The following PLAAT3 variants were observed in gnomAD, a reference collection of about 807,000 sequenced individuals.
The protein encoded by PLAAT3 is phospholipase A and acyltransferase 3.
In PLAAT3, 21 loss-of-function variants were observed where a neutral mutation model predicts 16.7. The ratio of observed to expected loss-of-function variants is 1.26; its 90% confidence interval spans 0.89 to 1.81. The LOEUF (loss-of-function observed/expected upper bound fraction) is 1.81, where lower values mean the gene tolerates loss of function less well. PLAAT3 is among the 40% of genes most tolerant of loss of function. The pLI is 0.00. For missense variants in PLAAT3, 219 were observed against 213.7 expected, an observed-to-expected ratio of 1.02 and a Z score of -0.16; for synonymous variants, 76 against 81.7, an observed-to-expected ratio of 0.93 and a Z score of 0.38.
At chr11:63,603,341 A>C (rs1938475674) in intron 2 of PLAAT3, among the ~76,000 whole-genome samples, 1 of 152,136 alleles carries the variant, frequency 6.6e-6, no homozygotes, top group African/African-American at 2.4e-5. Flanking sequence ...CAGCTCACGC[A>C]ACAACAATGG....
At chr11:63,576,739 A>G (rs2017666972) in intron 4 of PLAAT3, among the ~76,000 whole-genome samples, 1 of 152,282 alleles carries the variant, frequency 6.6e-6, no homozygotes, top group African/African-American at 2.4e-5. Context: ...AAACATAGGT[A>G]GAAAGAATTA....
intron 2 of PLAAT3, among the ~76,000 whole-genome samples, chr11:63,613,500 A>G (rs615155): frequency 0.96 from 146,535 of 152,356 alleles, 70,744 homozygotes; most frequent in East Asian, 1. Context: ...GAGTCTCACA[A>G]CCAGATGCTC....
At chr11:63,615,236 A>ATGTGTATATG (rs1202552447), upstream of PLAAT3, among the ~76,000 whole-genome samples, 237 of 7,356 alleles carry the variant, frequency 0.032, 30 homozygotes, top group Non-Finnish European at 0.051. Flanking sequence ...ATGTGTATAT[A>ATGTGTATATG]TGTGTATATA....
chr11:63,610,130 T>C (rs1938657868), intron 2 of PLAAT3, among the ~76,000 whole-genome samples: 1 of 152,162 alleles, frequency 6.6e-6, no homozygotes, highest in Admixed American at 6.5e-5. Context: ...CACCAAGTAA[T>C]TCACTCCAAG....
chr11:63,599,581 CA>C (rs1435464048), intron 2 of PLAAT3, among the ~76,000 whole-genome samples: 1 of 152,154 alleles, frequency 6.6e-6, no homozygotes, highest in East Asian at 1.9e-4. Flanking sequence ...GGGAATTTTA[CA>C]GATAAATCAT....
At chr11:63,588,416 T>G (rs1208204837) in intron 4 of PLAAT3, among the ~76,000 whole-genome samples, 2 of 152,222 alleles carry the variant, frequency 1.3e-5, no homozygotes, top group Admixed American at 6.5e-5. Flanking sequence ...ACAAATGTTT[T>G]GAAGGCTGTT....
intron 2 of PLAAT3, among the ~76,000 whole-genome samples, chr11:63,612,082 G>A (rs1295350556): frequency 3.3e-5 from 5 of 152,160 alleles, no homozygotes; most frequent in Admixed American, 6.5e-5. Flanking sequence ...AGGTTGCAGC[G>A]AGCCGAGATC....
chr11:63,616,579 CAACT>C (rs1166695160), upstream of PLAAT3: 4 of 152,072 alleles, frequency 2.6e-5, no homozygotes, highest in Non-Finnish European at 5.9e-5. Flanking sequence ...TGCTTCATTA[CAACT>C]TACTATTCTT....
intron 2 of PLAAT3, among the ~76,000 whole-genome samples, chr11:63,604,878 C>T (rs753193258): frequency 6.6e-6 from 1 of 152,166 alleles, no homozygotes; most frequent in Admixed American, 6.6e-5. Context: ...CAATCACTAT[C>T]ATGTAAAAAT....
chr11:63,602,499 T>C (rs1468613725), intron 2 of PLAAT3, among the ~76,000 whole-genome samples: 1 of 151,124 alleles, frequency 6.6e-6, no homozygotes, highest in African/African-American at 2.4e-5. Flanking sequence ...ATGTTCTAAA[T>C]TTAGAAGTAT....
intron 4 of PLAAT3, among the ~76,000 whole-genome samples, chr11:63,577,962 A>C (rs1218794311): frequency 6.6e-6 from 1 of 152,070 alleles, no homozygotes; most frequent in Non-Finnish European, 1.5e-5. Flanking sequence ...AGAAATAGAA[A>C]CCAAAGGGAA....
intron 4 of PLAAT3, among the ~76,000 whole-genome samples, chr11:63,582,537 A>G (rs1937848342): frequency 6.6e-6 from 1 of 152,242 alleles, no homozygotes; most frequent in Non-Finnish European, 1.5e-5. Flanking sequence ...GAAAGGAAGT[A>G]ATAATTATCA....
chr11:63,615,943 C>T (rs1227147642), upstream of PLAAT3, among the ~76,000 whole-genome samples: 1 of 152,208 alleles, frequency 6.6e-6, no homozygotes, highest in Non-Finnish European at 1.5e-5. Context: ...GCTGGGATTA[C>T]AGGCGTGAGC....
intron 2 of PLAAT3, among the ~76,000 whole-genome samples, chr11:63,609,768 A>ACCAGGC (rs1938649636): frequency 6.6e-6 from 1 of 152,172 alleles, no homozygotes; most frequent in Non-Finnish European, 1.5e-5. Context: ...TCTGGCAGGC[A>ACCAGGC]CCAGGCCCAG....
At chr11:63,594,648 A>G (rs1438341781) in intron 3 of PLAAT3, among the ~76,000 whole-genome samples, 1 of 152,186 alleles carries the variant, frequency 6.6e-6, no homozygotes, top group African/African-American at 2.4e-5. Flanking sequence ...AAGTGTGGGT[A>G]TAGGGGATGG....
At chr11:63,611,023 T>A (rs749464858) in intron 2 of PLAAT3, among the ~76,000 whole-genome samples, 12 of 151,976 alleles carry the variant, frequency 7.9e-5, no homozygotes, top group Non-Finnish European at 1.3e-4. Flanking sequence ...AAGCCCACAG[T>A]GGGGAGGCAG....
At chr11:63,600,196 T>A (rs1240828716) in intron 2 of PLAAT3, among the ~76,000 whole-genome samples, 1 of 152,176 alleles carries the variant, frequency 6.6e-6, no homozygotes, top group African/African-American at 2.4e-5. Context: ...GTTGCCCAGC[T>A]GGTGTCAAAC....
upstream of PLAAT3, among the ~76,000 whole-genome samples, chr11:63,615,034 A>ATATGTGTATATATATGTGTATATATGTG (rs1555047763): frequency 3.6e-5 from 1 of 28,044 alleles, no homozygotes; most frequent in Non-Finnish European, 9.8e-5. Flanking sequence ...ATATGTGTGT[A>ATATGTGTATATATATGTGTATATATGTG]TATATATGTA....
intron 2 of PLAAT3, among the ~76,000 whole-genome samples, chr11:63,608,013 C>T (rs990652926): frequency 1.3e-5 from 2 of 151,862 alleles, no homozygotes; most frequent in South Asian, 2.1e-4. Flanking sequence ...AGTGAAACCC[C>T]GTCTCTACTA....
Sources: allele counts gnomAD v4.1 joint callset (sites outside exome capture counted in the v4.1 genomes callset), GRCh38; gene constraint gnomAD v4.1.1; transcripts MANE v1.5; gene names NCBI Gene and HGNC (gene_info 2026-07-23, HGNC 2026-07-21).